Variants in PTAFR observed in about 807,000 individuals in gnomAD.
PTAFR encodes platelet activating factor receptor.
PTAFR carries 8 observed loss-of-function variants against 14.7 expected under a neutral mutation model. That is an observed-to-expected ratio of 0.54 (90% CI 0.32 to 0.98). The LOEUF is 0.98. PTAFR is among the 50% of genes least tolerant of loss of function. PTAFR has a pLI of 0.04. For missense variants in PTAFR, 337 were observed against 451.2 expected (o/e 0.75, Z 2.29); for synonymous variants, 156 against 176.5 (o/e 0.88, Z 0.92).
intron 1 of PTAFR, among the ~76,000 whole-genome samples, chr1:28,172,745 G>A (rs1238360966): frequency 3.9e-5 from 6 of 152,202 alleles, no homozygotes; most frequent in African/African-American, 7.2e-5. Context: ...CATAGGAACC[G>A]AAACCAGGAG....
intron 1 of PTAFR, among the ~76,000 whole-genome samples, chr1:28,188,058 C>T (rs1283289273): frequency 6.6e-6 from 1 of 150,690 alleles, no homozygotes; most frequent in East Asian, 2.0e-4. Context: ...ACACCTGTAA[C>T]CCCAGCACTT....
Position 28,149,247 on chromosome 1 carries a change from A to G in PTAFR, c.*746T>C, listed in dbSNP as rs1373632013. On this transcript the variant is annotated 3_prime_UTR_variant, in exon 2 of 2. Coordinates refer to ENST00000373857, the MANE Select transcript of PTAFR (RefSeq NM_000952.5). ...ACATCTTAGCTCAAAAGTCTGCCCC[A>G]AGGTAGTGCCATACAGTGAGGGCAG... 1 of 151,040 alleles carries G rather than the reference A, an allele frequency of 6.6e-6. No homozygotes were observed. The highest frequency in any genetic ancestry group is 1.5e-5 in the Non-Finnish European group (1 of 67,880). 9.4% of individuals were successfully genotyped at this position (151,040 alleles called of 1,614,324 possible). A position where few individuals can be genotyped will look rare whatever the true frequency, so the allele number is the denominator to read the frequency against.
chr1:28,170,373 G>T (rs77934127), intron 1 of PTAFR, among the ~76,000 whole-genome samples: 1 of 152,108 alleles, frequency 6.6e-6, no homozygotes, highest in East Asian at 1.9e-4. Flanking sequence ...GATTCGCTGG[G>T]GCCAGTCCCA....
At chr1:28,169,780 A>C (rs1646431782) in intron 1 of PTAFR, among the ~76,000 whole-genome samples, 5 of 152,188 alleles carry the variant, frequency 3.3e-5, no homozygotes, top group Admixed American at 3.3e-4. Flanking sequence ...CGGGCAGATC[A>C]CTTGAGGTAA....
chr1:28,151,676 T>A lies in PTAFR; in HGVS notation c.-38-617A>T, dbSNP rs901786972. ...CTCTGTCTCACACAAAAAAAAAAAATAATAATTCTTTAAAAAGGGGCTCAA... is the reference window on the plus strand; with the variant it reads ...CTCTGTCTCACACAAAAAAAAAAAAAAATAATTCTTTAAAAAGGGGCTCAA... On this transcript the variant is annotated intron_variant, in intron 1 of 1. Transcript: ENST00000373857. Among the ~76,000 whole-genome samples the A allele has an allele frequency of 1.8e-4, 27 of 151,710 alleles. 1 individual carries two copies. The highest frequency in any genetic ancestry group is 4.2e-4 in the South Asian group (2 of 4,768).
intron 1 of PTAFR, among the ~76,000 whole-genome samples, chr1:28,191,675 G>C (rs1360343444): frequency 6.6e-6 from 1 of 151,640 alleles, no homozygotes; most frequent in Non-Finnish European, 1.5e-5. Flanking sequence ...GGAGAACAAG[G>C]ATAGGAGAGC....
intron 1 of PTAFR, among the ~76,000 whole-genome samples, chr1:28,165,403 CAAAAA>C (rs36099131): frequency 4.4e-5 from 2 of 45,894 alleles, no homozygotes; most frequent in South Asian, 2.1e-3. Context: ...GACTCTGTCT[CAAAAA>C]AAAAAAAAAA....
At chr1:28,180,663 A>G (rs2149005994), upstream of PTAFR, among the ~76,000 whole-genome samples, 1 of 152,324 alleles carries the variant, frequency 6.6e-6, no homozygotes, top group South Asian at 2.1e-4. Flanking sequence ...CAGGACAGAC[A>G]TACCTGAGAA....
At chr1:28,152,445 C>T (rs1475120882) in intron 1 of PTAFR, among the ~76,000 whole-genome samples, 3 of 151,810 alleles carry the variant, frequency 2.0e-5, no homozygotes, top group Admixed American at 2.0e-4. Context: ...TGTACAAAAA[C>T]ACAAAAAATC....
At chr1:28,154,179 C>G (rs78590964) in intron 1 of PTAFR, among the ~76,000 whole-genome samples, 1 of 151,818 alleles carries the variant, frequency 6.6e-6, no homozygotes, top group Non-Finnish European at 1.5e-5. Context: ...GGTGCTTCCA[C>G]GTGTACTACC....
chr1:28,170,727 G>A (rs1035936106), intron 1 of PTAFR, among the ~76,000 whole-genome samples: 5 of 148,836 alleles, frequency 3.4e-5, no homozygotes, highest in Non-Finnish European at 5.9e-5. Context: ...AGGGCCCGGC[G>A]CGGTGGCTCA....
At chr1:28,178,625 C>G (rs1646537299), upstream of PTAFR, among the ~76,000 whole-genome samples, 2 of 151,904 alleles carry the variant, frequency 1.3e-5, no homozygotes, top group South Asian at 4.1e-4. Context: ...CTGCCCCCTC[C>G]TCCACCTCCA....
chr1:28,150,442 T>C lies in PTAFR; in HGVS notation c.580A>G (p.Ser194Gly), dbSNP rs1386292013. The change falls in exon 2 of 2, where the codon AGC (serine) becomes GGC (glycine). Residue 194 changes from serine to glycine, a missense_variant. Ser to Gly is a moderately conservative substitution (Grantham distance 56, BLOSUM62 0). Transcript: ENST00000373857. This position sits in a 1 kb window ranked among gnomAD's most constrained non-coding sequence, Gnocchi z 6.3. ...VLIIHIFIVFSFFLVFLIILF... is the reference protein window; with the variant it reads ...VLIIHIFIVFGFFLVFLIILF... ...ATGATGAGGAAGACCAGGAAGAAGCTGAACACGATGAAGATGTGGATGATG... is the reference window on the plus strand; with the variant it reads ...ATGATGAGGAAGACCAGGAAGAAGCCGAACACGATGAAGATGTGGATGATG... 3.1e-6 allele frequency: 5 copies of C among 1,614,090 alleles called. No individual in the cohort carries two copies. The Admixed American group carries it at 6.7e-5, about 22-fold the overall frequency.
intron 1 of PTAFR, among the ~76,000 whole-genome samples, chr1:28,169,824 AC>A (rs1432683940): frequency 1.3e-5 from 2 of 152,024 alleles, no homozygotes; most frequent in East Asian, 3.9e-4. Context: ...ACATGGTGAA[AC>A]CCTATCTCTA....
rs1039118509 is a variant in PTAFR, at chr1:28,149,090, CTGTTCA to C, written c.*897_*902del. 1 of 152,228 alleles carries C rather than the reference CTGTTCA, an allele frequency of 6.6e-6. No individual in the cohort carries two copies. Among genetic ancestry groups the C allele is most frequent in the Non-Finnish European group, 1.5e-5 (1 of 68,056 alleles). The allele number at this position is 152,228 out of a possible 1,614,324, so 9.4% of individuals were successfully genotyped here. A position where few individuals can be genotyped will look rare whatever the true frequency, so the allele number is the denominator to read the frequency against. On this transcript the variant is annotated 3_prime_UTR_variant, in exon 2 of 2. Transcript: ENST00000373857. Reference sequence around the variant, plus strand: ...GCAAGCTCTTGTCCTAGCTTTTGGTCTGTTCATGTTTTATCTTCTTTGGTCACCATT... The same window carrying C: ...GCAAGCTCTTGTCCTAGCTTTTGGTCTGTTTTATCTTCTTTGGTCACCATT...
At chr1:28,180,253 G>A (rs865991801), upstream of PTAFR, among the ~76,000 whole-genome samples, 4 of 152,264 alleles carry the variant, frequency 2.6e-5, no homozygotes, top group East Asian at 5.8e-4. Flanking sequence ...GGTGGCTCAC[G>A]CCTGTAATCC....
intron 1 of PTAFR, among the ~76,000 whole-genome samples, chr1:28,186,978 C>T (rs1391292125): frequency 1.3e-5 from 2 of 151,910 alleles, no homozygotes; most frequent in Non-Finnish European, 2.9e-5. Context: ...TTTATACCAA[C>T]GGGGGTCTCA....
In PTAFR at chr1:28,160,251, G is replaced by A. The variant is rs1335413132; in HGVS notation, c.-38-9192C>T. 2.7e-5 allele frequency among the ~76,000 whole-genome samples: 4 copies of A among 150,198 alleles called. No individual in the cohort carries two copies. In the East Asian group the frequency reaches 7.8e-4, roughly 29 times the overall value. ...AAAAAAGAATTAAAAAAAAAAAAAA[G>A]ACATTTGGGAAAACTCAAACACAGA... is the stretch of plus-strand genomic sequence containing the variant. On this transcript the variant is annotated intron_variant, in intron 1 of 1. Coordinates refer to ENST00000373857, the MANE Select transcript of PTAFR (RefSeq NM_000952.5).
At chr1:28,172,795 T>C (rs1459922144) in intron 1 of PTAFR, among the ~76,000 whole-genome samples, 1 of 152,060 alleles carries the variant, frequency 6.6e-6, no homozygotes, top group African/African-American at 2.4e-5. Flanking sequence ...CACCCACATA[T>C]CTTGACTGAG....
Sources: gnomAD v4.1 joint callset for allele counts (sites outside exome capture counted in the v4.1 genomes callset) on GRCh38, gnomAD v4.1.1 for gene constraint, Gnocchi (gnomAD v3.1) non-coding constraint, MANE v1.5 for transcripts, NCBI Gene and HGNC (gene_info 2026-07-23, HGNC 2026-07-21) for gene names.